Variants in TBC1D17 observed in about 807,000 individuals in gnomAD.
TBC1D17 encodes TBC1 domain family member 17.
TBC1D17 carries 69 observed loss-of-function variants against 78.8 expected under a neutral mutation model. The ratio of observed to expected loss-of-function variants is 0.88; its 90% CI spans 0.72 to 1.07. TBC1D17 has a LOEUF of 1.07. TBC1D17 is among the 50% of genes least tolerant of loss of function. The pLI is 0.00. For synonymous variants in TBC1D17, 456 were observed against 358.3 expected (o/e 1.27, Z -3.08); for missense variants, 957 against 861.0 (o/e 1.11, Z -1.39).
intron 3 of TBC1D17, chr19:49,879,521 T>C (rs1438562954): frequency 6.6e-6 from 1 of 152,220 alleles, no homozygotes; most frequent in African/African-American, 2.4e-5. Context: ...CTGCATCTGG[T>C]TGGTAGAATT....
Position 49,882,078 on chromosome 19 carries a change from CACGACTCCTCTGCTCTCTCCA to C in TBC1D17, c.568_588del (p.Asp190_Asn196del). 6.2e-7 allele frequency: 1 copy of C among 1,614,146 alleles called. No homozygotes were observed. Among genetic ancestry groups the C allele is most frequent in the South Asian group, 1.1e-5 (1 of 91,084 alleles). On this transcript the variant is annotated inframe_deletion, in exon 6 of 17. Transcript: ENST00000221543. ...CTCCCGCCTCTACCTTGTCTTCCCC[CACGACTCCTCTGCTCTCTCCA>C]ACTCCTTCCACCACCTGCAGCTCTT...
At chr19:49,885,469 A>AATATATATAT (rs1568677572) in intron 13 of TBC1D17, 1 of 142,616 alleles carries the variant, frequency 7.0e-6, no homozygotes, top group African/African-American at 2.6e-5. Flanking sequence ...AAAAAAAAAA[A>AATATATATAT]ATATATTCTT....
At chr19:49,881,697 G>C (rs762751050) in intron 5 of TBC1D17, among the ~76,000 whole-genome samples, 1 of 152,186 alleles carries the variant, frequency 6.6e-6, no homozygotes, top group Non-Finnish European at 1.5e-5. Flanking sequence ...CTCTGAGTTC[G>C]TTATTCTCTG....
At position 49,883,638 on chromosome 19, in the gene TBC1D17, C is replaced by T. The variant is rs1477690302; in HGVS notation, c.1032-13C>T. ...AGTGGCGGCCTCACATCTTGTTTCC[C>T]TCTGTCACTCAGGGATGAGTATTTC... On this transcript the variant is annotated splice_polypyrimidine_tract_variant and intron_variant, in intron 9 of 16. Transcript: ENST00000221543. 48 of 1,612,404 alleles carry T rather than the reference C, an allele frequency of 3.0e-5. No homozygotes were observed. The highest frequency in any genetic ancestry group is 3.7e-5 in the Non-Finnish European group (44 of 1,178,774).
chr19:49,887,642 A>C (rs1211599366), intron 14 of TBC1D17, 69 bp downstream of exon 14: 22 of 1,609,764 alleles, frequency 1.4e-5, no homozygotes, highest in Non-Finnish European at 1.9e-5. Flanking sequence ...TTGGGCGGAG[A>C]GGGACAGACC....
At chr19:49,885,481 A>G (rs1222549910) in intron 13 of TBC1D17, 1 of 149,810 alleles carries the variant, frequency 6.7e-6, no homozygotes, top group African/African-American at 2.5e-5. Flanking sequence ...TATATTCTTT[A>G]TTACTTGGTC....
intron 7 of TBC1D17, 66 bp downstream of exon 7, chr19:49,882,466 C>A (rs1395851797): frequency 6.4e-7 from 1 of 1,554,570 alleles, no homozygotes; most frequent in South Asian, 1.2e-5. Flanking sequence ...GATTTCATTT[C>A]CCTGGGCCTC....
chr19:49,887,258 G>A, intron 13 of TBC1D17: 1 of 558,930 alleles, frequency 1.8e-6, no homozygotes, highest in Non-Finnish European at 3.2e-6. Flanking sequence ...CCATGTCCAT[G>A]GCAGATGTGG....
intron 13 of TBC1D17, chr19:49,885,449 CAAAAAAAAAAA>C (rs71180658): frequency 2.1e-5 from 2 of 96,442 alleles, no homozygotes; most frequent in Non-Finnish European, 4.3e-5. Flanking sequence ...AACTCCATCT[CAAAAAAAAAAA>C]AAAAAAAAAA....
At position 49,888,570 on chromosome 19, in the gene TBC1D17, C is replaced by G. The variant is rs745900000; in HGVS notation, c.1893C>G (p.Pro631=). 6 of 1,536,738 alleles carry G rather than the reference C, an allele frequency of 3.9e-6. No homozygotes were observed. Among genetic ancestry groups the G allele is most frequent in the African/African-American group, 2.7e-5 (2 of 72,930 alleles). Residue 631 remains proline, a synonymous_variant, in exon 17 of 17, where the codon CCC becomes CCG. Transcript: ENST00000221543. ...PPPSTDTAPQ[P]DSSLEILPEE... The stretch of plus-strand genomic sequence containing the variant: ...CCTCCACGGACACAGCCCCGCAGCC[C>G]GACAGCAGCCTGGAGATCCTGCCCG...
At position 49,888,504 on chromosome 19, in the gene TBC1D17, G is replaced by A. The variant is rs1216506933; in HGVS notation, c.1827G>A (p.Pro609=). ...ACAGCCCCTCGCCCACCGCCTCCCC[G>A]CTGCCTCTGTCGCCCACCCGGGCCC... ...EPHSPSPTAS[P]LPLSPTRAPP... The change falls in exon 17 of 17, where the codon CCG becomes CCA. Residue 609 remains proline, a synonymous_variant. Transcript: ENST00000221543. 1.5e-6 allele frequency: 2 copies of A among 1,329,178 alleles called. No homozygotes were observed. The highest frequency in any genetic ancestry group is 2.1e-5 in the Admixed American group (1 of 46,618). 82.3% of individuals were successfully genotyped at this position (1,329,178 alleles called of 1,614,324 possible).
intron 7 of TBC1D17, 119 bp downstream of exon 7, chr19:49,882,519 CA>C: frequency 6.9e-7 from 1 of 1,450,840 alleles, no homozygotes; most frequent in Non-Finnish European, 9.2e-7. Flanking sequence ...GGGACACCCT[CA>C]GGGGGTGCAT....
chr19:49,885,974 CAAAAA>C (rs972298479), intron 13 of TBC1D17, among the ~76,000 whole-genome samples: 2 of 43,536 alleles, frequency 4.6e-5, no homozygotes, highest in Non-Finnish European at 8.9e-5. Flanking sequence ...GACCTTGCCT[CAAAAA>C]AAAAAAAAAA....
At chr19:49,881,968 G>C in intron 5 of TBC1D17, 73 bp from the exon 6 acceptor site, 3 of 1,341,040 alleles carry the variant, frequency 2.2e-6, no homozygotes, top group East Asian at 4.6e-5. Context: ...AACCGATGTC[G>C]GCCGAGCACA....
At chr19:49,888,045 C>T (rs1479492762) in intron 15 of TBC1D17, 186 bp from the exon 16 acceptor site, 40 of 1,076,872 alleles carry the variant, frequency 3.7e-5, no homozygotes, top group East Asian at 7.8e-5. Context: ...TGGGGACCTT[C>T]CCTCCCCGAG....
At chr19:49,880,462 C>A (rs911739887) in intron 4 of TBC1D17, 60 bp downstream of exon 4, 2 of 1,585,072 alleles carry the variant, frequency 1.3e-6, no homozygotes, top group African/African-American at 2.7e-5. Flanking sequence ...ACATCTTGCC[C>A]TCAGTGGTCA....
At chr19:49,886,751 T>C (rs564424462) in intron 13 of TBC1D17, 1 of 152,626 alleles carries the variant, frequency 6.6e-6, no homozygotes, top group South Asian at 2.1e-4. Flanking sequence ...ACTCTCACTT[T>C]CATTTGAGTT....
chr19:49,888,004 T>C (rs2122479853), intron 15 of TBC1D17, 170 bp downstream of exon 15: 3 of 918,672 alleles, frequency 3.3e-6, no homozygotes, highest in East Asian at 5.3e-5. Flanking sequence ...ATGCCATGCC[T>C]GCTCCCAGCA....
chr19:49,881,177 T>TG, intron 4 of TBC1D17, 91 bp from the exon 5 acceptor site: 1 of 1,155,164 alleles, frequency 8.7e-7, no homozygotes, highest in Non-Finnish European at 1.2e-6. Flanking sequence ...CCTCAGGAGA[T>TG]GCCTGTGCCG....
Sources: gnomAD v4.1 joint callset for allele counts (sites outside exome capture counted in the v4.1 genomes callset) on GRCh38, gnomAD v4.1.1 for gene constraint, MANE v1.5 for transcripts, NCBI Gene and HGNC (gene_info 2026-07-23, HGNC 2026-07-21) for gene names.